Variants in CPEB1 observed in about 807,000 individuals in gnomAD.
CPEB1 encodes the protein cytoplasmic polyadenylation element-binding protein 1.
A neutral mutation model predicts 65.8 loss-of-function variants in CPEB1; 7 were observed. The observed-to-expected ratio is 0.11, with a 90% CI of 0.06 to 0.20. The LOEUF is 0.20. Among genes scored for constraint, CPEB1 ranks in the 10% least tolerant of loss-of-function variants. The probability of loss-of-function intolerance (pLI) is 1.00; values close to 1 mark genes in which losing one functional copy is unlikely to be tolerated. For synonymous variants in CPEB1, 262 were observed against 260.0 expected (o/e 1.01, Z -0.08); for missense variants, 551 against 712.2 (o/e 0.77, Z 2.58).
chr15:82,593,643 A>G (rs565954949), intron 3 of CPEB1, among the ~76,000 whole-genome samples: 55 of 152,348 alleles, frequency 3.6e-4, no homozygotes, highest in Non-Finnish European at 6.6e-4. Flanking sequence ...TATCTAGAAT[A>G]ATGAATCCTT....
At chr15:82,622,365 T>C (rs2045375535) in intron 3 of CPEB1, among the ~76,000 whole-genome samples, 1 of 151,934 alleles carries the variant, frequency 6.6e-6, no homozygotes, top group Non-Finnish European at 1.5e-5. Flanking sequence ...CTTTCTTGTA[T>C]ATAAACGGGG....
chr15:82,550,017 G>GT (rs1297063417), intron 9 of CPEB1, among the ~76,000 whole-genome samples: 1 of 152,144 alleles, frequency 6.6e-6, no homozygotes, highest in Non-Finnish European at 1.5e-5. Flanking sequence ...TGATGAAAAG[G>GT]GCATAATCTG....
chr15:82,578,547 G>C (rs2040905280), intron 3 of CPEB1, among the ~76,000 whole-genome samples: 1 of 152,062 alleles, frequency 6.6e-6, no homozygotes, highest in Non-Finnish European at 1.5e-5. Flanking sequence ...GTGGATCACT[G>C]GAGTTCAGGA....
At chr15:82,564,308 C>A (rs985660615) in intron 4 of CPEB1, among the ~76,000 whole-genome samples, 1 of 151,780 alleles carries the variant, frequency 6.6e-6, no homozygotes, top group Non-Finnish European at 1.5e-5. Context: ...TTTTTTGAGA[C>A]GGAGTCTCGC....
At chr15:82,640,130 G>A (rs931283971) in intron 1 of CPEB1, among the ~76,000 whole-genome samples, 2 of 151,962 alleles carry the variant, frequency 1.3e-5, no homozygotes, top group Admixed American at 6.6e-5. Flanking sequence ...CACTGTCTTG[G>A]GGGACCAGAC....
At chr15:82,621,179 T>A (rs747268685) in intron 3 of CPEB1, among the ~76,000 whole-genome samples, 2 of 152,164 alleles carry the variant, frequency 1.3e-5, no homozygotes, top group Non-Finnish European at 2.9e-5. Context: ...TCCAGTACAA[T>A]AAGAAGTGAA....
upstream of CPEB1, chr15:82,647,511 C>T (rs587619794): frequency 3.8e-4 from 92 of 240,082 alleles, no homozygotes; most frequent in African/African-American, 2.0e-3. Context: ...AAGAAACGTT[C>T]CGGGCGCCGG....
At chr15:82,592,260 AG>A (rs1567206832) in intron 3 of CPEB1, among the ~76,000 whole-genome samples, 2 of 152,196 alleles carry the variant, frequency 1.3e-5, no homozygotes, top group African/African-American at 2.4e-5. Flanking sequence ...ACTACAATAG[AG>A]TCACAACCTT....
intron 6 of CPEB1, 39 bp from the exon 7 acceptor site, chr15:82,554,030 A>T: frequency 7.7e-7 from 1 of 1,291,572 alleles, no homozygotes; most frequent in Non-Finnish European, 1.1e-6. Flanking sequence ...GGGAGGTTAG[A>T]GAATCAACAA....
At chr15:82,565,688 G>C (rs1160927878) in intron 4 of CPEB1, among the ~76,000 whole-genome samples, 1 of 152,162 alleles carries the variant, frequency 6.6e-6, no homozygotes, top group Non-Finnish European at 1.5e-5. Flanking sequence ...GGGGTGGTGA[G>C]AAGTCCTAGA....
chr15:82,546,542 A>G (rs1031168170), intron 11 of CPEB1, 21 bp from the exon 12 acceptor site: 6 of 1,591,546 alleles, frequency 3.8e-6, no homozygotes, highest in Non-Finnish European at 5.2e-6. Context: ...GCAAAATAAG[A>G]TGATGAAGTG....
intron 5 of CPEB1, 181 bp from the exon 6 acceptor site, chr15:82,556,303 C>T (rs1468140584): frequency 1.6e-6 from 1 of 630,048 alleles, no homozygotes; most frequent in Non-Finnish European, 2.5e-6. Flanking sequence ...AACAAATGCT[C>T]CTTCTCTCCT....
intron 1 of CPEB1, among the ~76,000 whole-genome samples, chr15:82,639,849 ACTCTCT>A (rs112948983): frequency 3.4e-5 from 5 of 145,956 alleles, no homozygotes; most frequent in African/African-American, 7.5e-5. Flanking sequence ...ACGCGCAAAC[ACTCTCT>A]CTCTCTCTCT....
At chr15:82,633,577 T>G (rs1331951707) in intron 1 of CPEB1, among the ~76,000 whole-genome samples, 27 of 152,158 alleles carry the variant, frequency 1.8e-4, no homozygotes, top group Admixed American at 1.7e-3. Flanking sequence ...TTCACCATGT[T>G]GGCCAGGCTG....
intron 3 of CPEB1, among the ~76,000 whole-genome samples, chr15:82,614,559 T>G (rs1487654514): frequency 6.6e-6 from 1 of 152,066 alleles, no homozygotes; most frequent in Non-Finnish European, 1.5e-5. Flanking sequence ...TCCTAGATAT[T>G]ATCAGTACCA....
intron 3 of CPEB1, among the ~76,000 whole-genome samples, chr15:82,572,733 C>G (rs2040208965): frequency 6.6e-6 from 1 of 152,186 alleles, no homozygotes; most frequent in South Asian, 2.1e-4. Context: ...CTTCCAGGAG[C>G]CCTGAGCATG....
Position 82,630,121 on chromosome 15 carries a change from AGAG to A in CPEB1, c.-97-1568_-97-1566del, listed in dbSNP as rs762644712. 156 of 985,390 alleles carry A rather than the reference AGAG, an allele frequency of 1.6e-4. No individual in the cohort carries two copies. The Admixed American group carries it at 3.8e-3, about 24-fold the overall frequency. The allele number at this position is 985,390 out of a possible 1,614,324, so 61.0% of individuals were successfully genotyped here. ...AGATGCAAAGATTTATAACCTGCAG[AGAG>A]GAGGTCTCGCTGTGTTGCCCAGGCT... On this transcript the variant is annotated intron_variant, in intron 1 of 12. Transcript: ENST00000684509.
At chr15:82,572,608 G>C (rs777137898) in intron 3 of CPEB1, among the ~76,000 whole-genome samples, 2 of 152,150 alleles carry the variant, frequency 1.3e-5, no homozygotes, top group African/African-American at 4.8e-5. Flanking sequence ...AAACACTCTC[G>C]AAGCAGCATC....
chr15:82,580,148 C>T (rs1175773563), intron 3 of CPEB1, among the ~76,000 whole-genome samples: 1 of 150,940 alleles, frequency 6.6e-6, no homozygotes, highest in East Asian at 2.0e-4. Context: ...GGTGAAACCC[C>T]TTCTCTACTA....
Sources: allele counts gnomAD v4.1 joint callset (sites outside exome capture counted in the v4.1 genomes callset), GRCh38; gene constraint gnomAD v4.1.1; transcripts MANE v1.5; gene names NCBI Gene and HGNC (gene_info 2026-07-23, HGNC 2026-07-21).